ACTR3C: variants seen among roughly 807,000 people sequenced by gnomAD.
ACTR3C encodes actin-related protein 3C.
A neutral mutation model predicts 26.3 loss-of-function variants in ACTR3C; 18 were observed. The ratio of observed to expected loss-of-function variants is 0.68; its 90% confidence interval spans 0.47 to 1.01. The LOEUF is 1.01. Ranked by LOEUF, ACTR3C falls within the 50% of genes least tolerant of loss-of-function variation. ACTR3C has a pLI of 0.00. For missense variants in ACTR3C, 184 were observed against 250.7 expected, an observed-to-expected ratio of 0.73 and a Z score of 1.80; for synonymous variants, 55 against 94.5, an observed-to-expected ratio of 0.58 and a Z score of 2.42.
chr7:150,057,915 C>T, the ACTR3C span, among the ~76,000 whole-genome samples: 7 of 152,228 alleles, frequency 4.6e-5, no homozygotes, highest in South Asian at 6.2e-4. Context: ...CCATTGAAGT[C>T]GTTGGTCTTT....
At chr7:150,129,632 T>G in the ACTR3C span, among the ~76,000 whole-genome samples, 428 of 152,266 alleles carry the variant, frequency 2.8e-3, 5 homozygotes, top group African/African-American at 9.9e-3. Flanking sequence ...TAACACCTTT[T>G]GAATAATCTT....
the ACTR3C span, among the ~76,000 whole-genome samples, chr7:150,159,162 T>C: frequency 7.4e-6 from 1 of 134,606 alleles, no homozygotes; most frequent in Non-Finnish European, 1.6e-5. Context: ...TTTTTATTTG[T>C]CATACCTTAA....
At chr7:149,986,572 G>T in the ACTR3C span, among the ~76,000 whole-genome samples, 1 of 152,038 alleles carries the variant, frequency 6.6e-6, no homozygotes, top group African/African-American at 2.4e-5. Context: ...CCTAGTACAA[G>T]ACTGATCAGA....
chr7:150,251,376 A>C (rs1486050213), intron 6 of ACTR3C, among the ~76,000 whole-genome samples: 2 of 152,210 alleles, frequency 1.3e-5, no homozygotes, highest in African/African-American at 2.4e-5. Flanking sequence ...TTTAGGAAAA[A>C]ATGAAGACAG....
the ACTR3C span, among the ~76,000 whole-genome samples, chr7:150,112,357 C>T: frequency 6.6e-6 from 1 of 152,232 alleles, no homozygotes; most frequent in Admixed American, 6.5e-5. Flanking sequence ...GTAACACTGT[C>T]CATCTCTTTG....
At chr7:150,016,605 A>C in the ACTR3C span, among the ~76,000 whole-genome samples, 1 of 152,106 alleles carries the variant, frequency 6.6e-6, no homozygotes, top group African/African-American at 2.4e-5. Flanking sequence ...ACATGCAGGA[A>C]ATGGGAAAAG....
chr7:150,281,629 T>A (rs1157120749), intron 6 of ACTR3C, among the ~76,000 whole-genome samples: 2 of 151,716 alleles, frequency 1.3e-5, no homozygotes, highest in Non-Finnish European at 2.9e-5. Context: ...CAGTCTTTCC[T>A]AAAGGCAGCA....
the ACTR3C span, among the ~76,000 whole-genome samples, chr7:149,910,818 C>T: frequency 4.0e-5 from 6 of 151,744 alleles, no homozygotes; most frequent in South Asian, 6.2e-4. Context: ...TTTGAACACA[C>T]GGTGAATGGA....
chr7:149,991,689 G>A, the ACTR3C span, among the ~76,000 whole-genome samples: 1 of 152,188 alleles, frequency 6.6e-6, no homozygotes, highest in Non-Finnish European at 1.5e-5. Flanking sequence ...CTTAGATTAC[G>A]TGTCAGAGGG....
At chr7:149,929,305 G>A in the ACTR3C span, among the ~76,000 whole-genome samples, 1 of 150,526 alleles carries the variant, frequency 6.6e-6, no homozygotes, top group African/African-American at 2.4e-5. Context: ...GCTCATGCCT[G>A]TAATCCCAGC....
At chr7:150,105,679 A>G in the ACTR3C span, among the ~76,000 whole-genome samples, 11 of 152,036 alleles carry the variant, frequency 7.2e-5, no homozygotes, top group Admixed American at 7.2e-4. Flanking sequence ...TGTAAAAGAC[A>G]TTGCACTTTT....
At chr7:150,260,655 C>T (rs1041211333) in intron 6 of ACTR3C, among the ~76,000 whole-genome samples, 1 of 152,210 alleles carries the variant, frequency 6.6e-6, no homozygotes, top group African/African-American at 2.4e-5. Flanking sequence ...CCTCTGGCTG[C>T]CCCCTAAGCT....
At chr7:150,042,347 G>A in the ACTR3C span, among the ~76,000 whole-genome samples, 3 of 124,748 alleles carry the variant, frequency 2.4e-5, no homozygotes, top group Non-Finnish European at 5.2e-5. Flanking sequence ...CGCGGGGGGT[G>A]CCTCCGCCCC....
At chr7:150,142,567 C>T in the ACTR3C span, among the ~76,000 whole-genome samples, 16,006 of 152,104 alleles carry the variant, frequency 0.11, 1,003 homozygotes, top group South Asian at 0.14. Context: ...CTCACTCCGT[C>T]GCCCAGGCTG....
At chr7:150,104,301 G>C in the ACTR3C span, among the ~76,000 whole-genome samples, 3 of 151,764 alleles carry the variant, frequency 2.0e-5, no homozygotes, top group Admixed American at 2.0e-4. Flanking sequence ...AGAATTTTTA[G>C]AACTTCTCCA....
At chr7:150,213,152 A>G in the ACTR3C span, among the ~76,000 whole-genome samples, 69 of 152,266 alleles carry the variant, frequency 4.5e-4, no homozygotes, top group African/African-American at 1.5e-3. Context: ...ATCAAGCTGG[A>G]GAATAGTACC....
the ACTR3C span, among the ~76,000 whole-genome samples, chr7:149,953,689 C>T: frequency 6.6e-6 from 1 of 152,118 alleles, no homozygotes; most frequent in South Asian, 2.1e-4. Flanking sequence ...ATATGGCAGA[C>T]TCTTTTCCTC....
the ACTR3C span, among the ~76,000 whole-genome samples, chr7:150,234,100 C>T: frequency 6.0e-4 from 92 of 152,310 alleles, no homozygotes; most frequent in South Asian, 0.018. Context: ...TACTCCTCCA[C>T]AGAGAGTCTG....
chr7:150,066,135 C>T, the ACTR3C span, among the ~76,000 whole-genome samples: 1 of 152,158 alleles, frequency 6.6e-6, no homozygotes, highest in African/African-American at 2.4e-5. Context: ...TCACTGATCT[C>T]AAACATACAC....
Sources: gnomAD v4.1 joint callset for allele counts (sites outside exome capture counted in the v4.1 genomes callset) on GRCh38, gnomAD v4.1.1 for gene constraint, MANE v1.5 for transcripts, NCBI Gene and HGNC (gene_info 2026-07-23, HGNC 2026-07-21) for gene names.